Variants in TAOK3 observed in about 807,000 individuals in gnomAD.
TAOK3 encodes the protein serine/threonine-protein kinase TAO3.
TAOK3 carries 40 observed loss-of-function variants against 120.4 expected under a neutral mutation model. That is an observed-to-expected ratio of 0.33 (90% CI 0.26 to 0.43). The LOEUF (loss-of-function observed/expected upper bound fraction) is 0.43, where lower values mean the gene tolerates loss of function less well. Among genes scored for constraint, TAOK3 ranks in the 20% least tolerant of loss-of-function variants. The probability of loss-of-function intolerance (pLI) is 1.00; values close to 1 mark genes in which losing one functional copy is unlikely to be tolerated. For missense variants in TAOK3, 821 were observed against 1,112.1 expected (o/e 0.74, Z 3.72); for synonymous variants, 355 against 387.5 (o/e 0.92, Z 0.99).
At chr12:118,226,816 A>G (rs2039530931) in intron 9 of TAOK3, among the ~76,000 whole-genome samples, 1 of 152,192 alleles carries the variant, frequency 6.6e-6, no homozygotes, top group South Asian at 2.1e-4. Flanking sequence ...TCATTTTTAT[A>G]AGAAGGTAAA....
intron 1 of TAOK3, among the ~76,000 whole-genome samples, chr12:118,348,198 C>T (rs2044957889): frequency 6.6e-6 from 1 of 152,150 alleles, no homozygotes; most frequent in African/African-American, 2.4e-5. Flanking sequence ...TAATCTCTTC[C>T]TTCTTCATGT....
At chr12:118,151,186 T>G (rs761421933) in intron 20 of TAOK3, 28 bp from the exon 21 acceptor site, 1 of 1,607,330 alleles carries the variant, frequency 6.2e-7, no homozygotes, top group East Asian at 2.2e-5. Flanking sequence ...CAGTTCTTAA[T>G]GGAAAGCATC....
intron 1 of TAOK3, among the ~76,000 whole-genome samples, chr12:118,331,447 C>G (rs893027265): frequency 6.6e-6 from 1 of 151,908 alleles, no homozygotes; most frequent in Non-Finnish European, 1.5e-5. Flanking sequence ...AAGTTCGAGA[C>G]CAGCCTGGCC....
At chr12:118,294,565 G>A (rs1293192361) in intron 1 of TAOK3, among the ~76,000 whole-genome samples, 1 of 151,694 alleles carries the variant, frequency 6.6e-6, no homozygotes, top group Non-Finnish European at 1.5e-5. Flanking sequence ...TGTATTTTTA[G>A]TAGAGATGGG....
chr12:118,156,014 A>T (rs551618680), intron 19 of TAOK3, among the ~76,000 whole-genome samples: 5 of 152,224 alleles, frequency 3.3e-5, no homozygotes, highest in African/African-American at 4.8e-5. Flanking sequence ...GGCGTGAGCC[A>T]CCGCGCCTGG....
intron 1 of TAOK3, among the ~76,000 whole-genome samples, chr12:118,307,377 G>A (rs1344393502): frequency 1.3e-5 from 2 of 152,104 alleles, no homozygotes; most frequent in Non-Finnish European, 2.9e-5. Context: ...AAGGGATGAT[G>A]GATTTGCTAT....
intron 17 of TAOK3, 119 bp from the exon 18 acceptor site, chr12:118,162,146 A>G (rs2035262253): frequency 1.6e-6 from 2 of 1,279,044 alleles, no homozygotes; most frequent in Non-Finnish European, 2.2e-6. Context: ...AATTAAACCC[A>G]TTAGTGTTTG....
chr12:118,358,614 A>G (rs2045487697), intron 1 of TAOK3, among the ~76,000 whole-genome samples: 1 of 152,216 alleles, frequency 6.6e-6, no homozygotes, highest in Non-Finnish European at 1.5e-5. Flanking sequence ...CTCTTCCGAC[A>G]AAATATTGGT....
intron 9 of TAOK3, among the ~76,000 whole-genome samples, chr12:118,230,328 G>C (rs978385624): frequency 6.6e-5 from 10 of 151,924 alleles, no homozygotes; most frequent in African/African-American, 2.2e-4. Flanking sequence ...GTCTTTCCCT[G>C]CAACAATACC....
intron 1 of TAOK3, among the ~76,000 whole-genome samples, chr12:118,331,645 C>CAAAAAA (rs57291591): frequency 1.0e-4 from 5 of 48,002 alleles, no homozygotes; most frequent in African/African-American, 1.8e-4. Flanking sequence ...ACTCTTATCT[C>CAAAAAA]AAAAAAAAAA....
chr12:118,296,077 T>A (rs540989186), intron 1 of TAOK3, among the ~76,000 whole-genome samples: 15 of 152,346 alleles, frequency 9.8e-5, no homozygotes, highest in Non-Finnish European at 1.8e-4. Flanking sequence ...GTGAGTTAGA[T>A]CCAGGGAGTG....
intron 1 of TAOK3, among the ~76,000 whole-genome samples, chr12:118,352,164 G>A (rs1248805737): frequency 6.6e-6 from 1 of 151,866 alleles, no homozygotes; most frequent in East Asian, 1.9e-4. Flanking sequence ...GAGCCACCGC[G>A]CCCGGCCTAA....
In TAOK3 at chr12:118,333,766, T is replaced by C. The variant is rs560067744; in HGVS notation, c.-194+38882A>G. ...CTGACAAAAATAAGGACAAAGGTAA[T>C]TTTTTTTCCTCAAAAAATTAAAAAT... is the stretch of plus-strand genomic sequence containing the variant. On this transcript the variant is annotated intron_variant, in intron 1 of 20. Transcript: ENST00000392533. Among the ~76,000 whole-genome samples the C allele has an allele frequency of 8.6e-5, 13 of 151,622 alleles. No individual in the cohort carries two copies. The East Asian group carries it at 2.5e-3, about 29-fold the overall frequency.
In TAOK3 at chr12:118,341,558, A is replaced by G. The variant is rs547505518; in HGVS notation, c.-194+31090T>C. 1.3e-3 allele frequency among the ~76,000 whole-genome samples: 205 copies of G among 152,340 alleles called. 2 individuals are homozygous for G. The Middle Eastern group carries it at 0.014, about 10-fold the overall frequency. ...CAGATTAAGTTGCCCTAGCAGGGCA[A>G]CGTTGACTATGTGTACTACAAATGT... On this transcript the variant is annotated intron_variant, in intron 1 of 20. Coordinates refer to ENST00000392533, the MANE Select transcript of TAOK3 (RefSeq NM_016281.4).
intron 19 of TAOK3, among the ~76,000 whole-genome samples, chr12:118,156,819 C>T (rs1303248007): frequency 2.0e-5 from 3 of 152,028 alleles, no homozygotes; most frequent in Non-Finnish European, 4.4e-5. Flanking sequence ...ACTGCAACCT[C>T]TGCTGCCTCC....
At chr12:118,361,794 C>T (rs572501473) in intron 1 of TAOK3, among the ~76,000 whole-genome samples, 2 of 152,026 alleles carry the variant, frequency 1.3e-5, no homozygotes, top group South Asian at 2.1e-4. Context: ...AAAATTTCAA[C>T]TTTTATTTTA....
At chr12:118,317,001 C>T (rs1028956273) in intron 1 of TAOK3, among the ~76,000 whole-genome samples, 7 of 152,066 alleles carry the variant, frequency 4.6e-5, no homozygotes, top group Non-Finnish European at 5.9e-5. Flanking sequence ...CGGTGGCTCA[C>T]GCCTGTAATC....
At chr12:118,258,436 G>A (rs867235605) in intron 2 of TAOK3, among the ~76,000 whole-genome samples, 2 of 152,098 alleles carry the variant, frequency 1.3e-5, no homozygotes. Flanking sequence ...AAAACTGGCC[G>A]GGCGCAGTGG....
chr12:118,268,864 C>T (rs553994573), intron 1 of TAOK3, among the ~76,000 whole-genome samples: 5 of 151,926 alleles, frequency 3.3e-5, no homozygotes, highest in Admixed American at 6.6e-5. Context: ...CAAAATTAGC[C>T]GGGTGTGGTG....
Sources: gnomAD v4.1 joint callset for allele counts (sites outside exome capture counted in the v4.1 genomes callset) on GRCh38, gnomAD v4.1.1 for gene constraint, MANE v1.5 for transcripts, NCBI Gene and HGNC (gene_info 2026-07-23, HGNC 2026-07-21) for gene names.